SEMA3E: variants seen among roughly 807,000 people sequenced by gnomAD.
The protein encoded by SEMA3E is semaphorin-3E.
SEMA3E carries 49 observed loss-of-function variants against 93.6 expected under a neutral mutation model. That is an observed-to-expected ratio of 0.52 (90% CI 0.42 to 0.66). The LOEUF (loss-of-function observed/expected upper bound fraction) is 0.66, where lower values mean the gene tolerates loss of function less well. Among genes scored for constraint, SEMA3E ranks in the 30% least tolerant of loss-of-function variants. SEMA3E has a pLI of 0.00. For missense variants in SEMA3E, 906 were observed against 964.8 expected, an observed-to-expected ratio of 0.94 and a Z score of 0.81; for synonymous variants, 363 against 330.7, an observed-to-expected ratio of 1.10 and a Z score of -1.06.
At chr7:83,509,231 C>G (rs1473923548) in intron 1 of SEMA3E, among the ~76,000 whole-genome samples, 1 of 151,972 alleles carries the variant, frequency 6.6e-6, no homozygotes, top group Non-Finnish European at 1.5e-5. Flanking sequence ...CTAGATAAAC[C>G]TAGGAGAGGG....
At chr7:83,521,893 A>G (rs2115689349) in intron 1 of SEMA3E, among the ~76,000 whole-genome samples, 1 of 152,226 alleles carries the variant, frequency 6.6e-6, no homozygotes, top group East Asian at 1.9e-4. Context: ...GAATTTTAAG[A>G]AGACTCAACT....
At chr7:83,472,143 A>G (rs1789910982) in intron 2 of SEMA3E, among the ~76,000 whole-genome samples, 1 of 152,212 alleles carries the variant, frequency 6.6e-6, no homozygotes, top group Non-Finnish European at 1.5e-5. Flanking sequence ...CTGTGTAAGA[A>G]AATCGTTGGT....
chr7:83,385,094 TG>T (rs1256080893), intron 16 of SEMA3E, among the ~76,000 whole-genome samples, 199 bp downstream of exon 16: 5 of 150,208 alleles, frequency 3.3e-5, no homozygotes, highest in Admixed American at 6.7e-5. Flanking sequence ...ATATAGTATA[TG>T]TATATAAAAT....
At chr7:83,597,538 A>G (rs2115969172) in intron 1 of SEMA3E, among the ~76,000 whole-genome samples, 1 of 152,254 alleles carries the variant, frequency 6.6e-6, no homozygotes, top group Admixed American at 6.5e-5. Flanking sequence ...AAGTTCCTTT[A>G]TTACCAGCTT....
chr7:83,525,278 T>C (rs997770470), intron 1 of SEMA3E, among the ~76,000 whole-genome samples: 1 of 152,094 alleles, frequency 6.6e-6, no homozygotes, highest in Non-Finnish European at 1.5e-5. Flanking sequence ...CATTTTAATT[T>C]TTTTTCCCTG....
chr7:83,428,366 T>C (rs1381327312), intron 4 of SEMA3E, among the ~76,000 whole-genome samples: 2 of 152,236 alleles, frequency 1.3e-5, no homozygotes, highest in African/African-American at 4.8e-5. Flanking sequence ...CAATCATTTA[T>C]TTTATTAGCT....
intron 4 of SEMA3E, among the ~76,000 whole-genome samples, chr7:83,420,349 G>A (rs922463925): frequency 6.6e-6 from 1 of 152,090 alleles, no homozygotes; most frequent in African/African-American, 2.4e-5. Context: ...TGGACTGGAA[G>A]TATCAATATG....
intron 1 of SEMA3E, among the ~76,000 whole-genome samples, chr7:83,622,296 G>A (rs953564711): frequency 3.1e-4 from 47 of 151,774 alleles, no homozygotes; most frequent in African/African-American, 8.7e-4. Context: ...TCTCCTGCCC[G>A]TCAGAATGGT....
At chr7:83,596,248 ATCTTT>A (rs1792869796) in intron 1 of SEMA3E, among the ~76,000 whole-genome samples, 1 of 152,010 alleles carries the variant, frequency 6.6e-6, no homozygotes, top group African/African-American at 2.4e-5. Flanking sequence ...TTTGACATCC[ATCTTT>A]TCTTTTCTGT....
At chr7:83,394,175 A>G in intron 13 of SEMA3E, 122 bp downstream of exon 13, 1 of 1,084,736 alleles carries the variant, frequency 9.2e-7, no homozygotes, top group Non-Finnish European at 1.3e-6. Flanking sequence ...GTAATAAAAG[A>G]AAAATAAAAC....
chr7:83,419,977 G>A (rs1344999371), intron 4 of SEMA3E, among the ~76,000 whole-genome samples: 1 of 151,960 alleles, frequency 6.6e-6, no homozygotes, highest in Non-Finnish European at 1.5e-5. Flanking sequence ...CAGCAATCAG[G>A]CATCAAAATA....
chr7:83,536,892 A>G (rs574805809), intron 1 of SEMA3E, among the ~76,000 whole-genome samples: 3 of 152,190 alleles, frequency 2.0e-5, no homozygotes, highest in Middle Eastern at 6.8e-3. Context: ...CAAATTTTGT[A>G]TGTTGACACC....
At chr7:83,568,473 C>T (rs1450498826) in intron 1 of SEMA3E, among the ~76,000 whole-genome samples, 1 of 152,064 alleles carries the variant, frequency 6.6e-6, no homozygotes, top group Non-Finnish European at 1.5e-5. Flanking sequence ...CAAAAACTCT[C>T]AACAAAACAC....
In SEMA3E at chr7:83,533,289, C is replaced by T. The variant is rs1791342385; in HGVS notation, c.116-43015G>A. On this transcript the variant is annotated intron_variant, in intron 1 of 16. Transcript: ENST00000643230. ...AGGTGCAGTGGCTCATGCCTGTAATCCCAACACTTTGGGAGGCCAAGGTGG... is the reference window on the plus strand; with the variant it reads ...AGGTGCAGTGGCTCATGCCTGTAATTCCAACACTTTGGGAGGCCAAGGTGG... Among the ~76,000 whole-genome samples, 3 of 152,080 alleles carry T rather than the reference C, an allele frequency of 2.0e-5. 1 individual carries two copies. The South Asian group carries it at 6.2e-4, about 32-fold the overall frequency.
chr7:83,600,623 AG>A (rs1445273129), intron 1 of SEMA3E, among the ~76,000 whole-genome samples: 1 of 149,548 alleles, frequency 6.7e-6, no homozygotes. Flanking sequence ...CTGGGATTAC[AG>A]GTGTCAGCCA....
intron 1 of SEMA3E, among the ~76,000 whole-genome samples, chr7:83,619,730 C>T (rs1793505587): frequency 6.6e-6 from 1 of 151,710 alleles, no homozygotes; most frequent in African/African-American, 2.4e-5. Flanking sequence ...CTATGTCCTT[C>T]CCTCACTACA....
intron 1 of SEMA3E, among the ~76,000 whole-genome samples, chr7:83,502,936 T>A (rs1263261096): frequency 2.0e-5 from 3 of 152,012 alleles, no homozygotes; most frequent in African/African-American, 7.2e-5. Context: ...AATAACTAAC[T>A]GGTAGGACTG....
chr7:83,514,403 G>T (rs537646510), intron 1 of SEMA3E, among the ~76,000 whole-genome samples: 1 of 152,054 alleles, frequency 6.6e-6, no homozygotes, highest in African/African-American at 2.4e-5. Context: ...TCCTCTCTTG[G>T]GGTCTGGATC....
At chr7:83,473,338 T>C (rs927438908) in intron 2 of SEMA3E, among the ~76,000 whole-genome samples, 1 of 152,188 alleles carries the variant, frequency 6.6e-6, no homozygotes, top group Admixed American at 6.5e-5. Context: ...TGTTAGACTG[T>C]ATTGCTAGGC....
Sources: gnomAD v4.1 joint callset for allele counts (sites outside exome capture counted in the v4.1 genomes callset) on GRCh38, gnomAD v4.1.1 for gene constraint, MANE v1.5 for transcripts, NCBI Gene and HGNC (gene_info 2026-07-23, HGNC 2026-07-21) for gene names.